Variants in RNF20 observed in about 807,000 individuals in gnomAD.
RNF20 encodes the protein ring finger protein 20.
RNF20 carries 84 observed loss-of-function variants against 126.2 expected under a neutral mutation model. The observed-to-expected ratio is 0.67, with a 90% CI of 0.56 to 0.80. The LOEUF (loss-of-function observed/expected upper bound fraction) is 0.80, where lower values mean the gene tolerates loss of function less well. RNF20 is among the 30% of genes least tolerant of loss of function. The pLI is 0.00. For missense variants in RNF20, 869 were observed against 1,188.2 expected (o/e 0.73, Z 3.95); for synonymous variants, 400 against 414.3 (o/e 0.97, Z 0.42).
At chr9:101,537,674 A>G (rs1295295442) in intron 2 of RNF20, among the ~76,000 whole-genome samples, 2 of 152,224 alleles carry the variant, frequency 1.3e-5, no homozygotes, top group Non-Finnish European at 2.9e-5. Context: ...AGAGGGACCA[A>G]TGAGGTAAGA....
chr9:101,546,075 G>T (rs1036094010), intron 6 of RNF20, among the ~76,000 whole-genome samples: 1 of 152,164 alleles, frequency 6.6e-6, no homozygotes, highest in Non-Finnish European at 1.5e-5. Flanking sequence ...TCAAAATTGT[G>T]TAGTGACATT....
chr9:101,561,358 G>A, intron 18 of RNF20, 128 bp downstream of exon 18: 1 of 996,060 alleles, frequency 1.0e-6, no homozygotes, highest in Non-Finnish European at 1.5e-6. Context: ...TTTGTTGAGG[G>A]AAGAGAGTAA....
Position 101,557,391 on chromosome 9 carries a change from A to C in RNF20, c.2177A>C (p.Glu726Ala). 1 of 1,612,226 alleles carries C rather than the reference A, an allele frequency of 6.2e-7. No individual in the cohort carries two copies. Among genetic ancestry groups the C allele is most frequent in the Non-Finnish European group, 8.5e-7 (1 of 1,178,360 alleles). Residue 726 changes from glutamate to alanine, a missense_variant, in exon 16 of 20, where the codon GAA becomes GCA. By Grantham distance (107) the Glu-to-Ala change is moderately radical. Transcript: ENST00000389120. The stretch of plus-strand genomic sequence containing the variant: ...TCTTCCTTCATCCTTTAGGAAGAAG[A>C]AGCACTCCTCTCTGAAATGGATGTC... ...KKLAMAKQEE[E>A]ALLSEMDVTG...
chr9:101,555,522 C>G (rs1467760477), intron 15 of RNF20, among the ~76,000 whole-genome samples: 2 of 151,976 alleles, frequency 1.3e-5, no homozygotes, highest in Non-Finnish European at 2.9e-5. Flanking sequence ...TATGTATTCT[C>G]TGTTAGTACA....
chr9:101,536,962 G>A (rs1227385648), intron 2 of RNF20, among the ~76,000 whole-genome samples: 1 of 152,194 alleles, frequency 6.6e-6, no homozygotes, highest in East Asian at 1.9e-4. Context: ...CAAAGGTGGG[G>A]ATCTGAGGCA....
intron 17 of RNF20, 79 bp from the exon 18 acceptor site, chr9:101,561,011 T>G: frequency 6.3e-7 from 1 of 1,598,922 alleles, no homozygotes. Flanking sequence ...GCTTTATTCC[T>G]TCAACTTGGG....
chr9:101,561,366 T>A, intron 18 of RNF20, 136 bp downstream of exon 18: 1 of 902,002 alleles, frequency 1.1e-6, no homozygotes, highest in Non-Finnish European at 1.7e-6. Flanking sequence ...GGGAAGAGAG[T>A]AAGTCTGTTT....
rs1167684912 is a variant in RNF20, at chr9:101,560,938, T to TAAAAAAAGAAAAA, written c.2508+14_2508+15insAAAAAGAAAAAAA. On this transcript the variant is annotated intron_variant, in intron 17 of 19. Transcript: ENST00000389120. ...TGAATAAACGCAAGGTATGATTGAT[T>TAAAAAAAGAAAAA]AATCTAATGATGGTTAGTCTCAGTG... 6.2e-7 allele frequency: 1 copy of TAAAAAAAGAAAAA among 1,608,196 alleles called. No individual in the cohort carries two copies. Among genetic ancestry groups the TAAAAAAAGAAAAA allele is most frequent in the Non-Finnish European group, 8.5e-7 (1 of 1,178,080 alleles).
At position 101,562,514 on chromosome 9, in the gene RNF20, T is replaced by C; in HGVS notation, c.*92T>C. 3 of 1,221,286 alleles carry C rather than the reference T, an allele frequency of 2.5e-6. No individual in the cohort carries two copies. The highest frequency in any genetic ancestry group is 3.4e-6 in the Non-Finnish European group (3 of 885,694). 75.7% of individuals were successfully genotyped at this position (1,221,286 alleles called of 1,614,324 possible). On this transcript the variant is annotated 3_prime_UTR_variant, in exon 20 of 20. Coordinates refer to ENST00000389120, the MANE Select transcript of RNF20 (RefSeq NM_019592.7). ...CTCTTCTCTCCTTGACTGTCACCTG[T>C]AGGACAGTTTATCAGTCAACTACCT...
In RNF20 at chr9:101,535,470, C is replaced by T; in HGVS notation, c.47C>T (p.Ser16Phe). The change falls in exon 2 of 20, where the codon TCC (serine) becomes TTC (phenylalanine). Residue 16 changes from serine to phenylalanine, a missense_variant. Ser to Phe is a radical substitution (Grantham distance 155, BLOSUM62 -2). Around this residue, in one of 8 missense-constraint regions of RNF20, gnomAD observed 157 missense variants for 236.0 expected, o/e 0.67. Coordinates refer to ENST00000389120, the MANE Select transcript of RNF20 (RefSeq NM_019592.7). ...NKRAAGEPGTSMPPEKKAAVE... is the reference protein window; with the variant it reads ...NKRAAGEPGTFMPPEKKAAVE... ...AGAGCAGCTGGAGAACCTGGCACCT[C>T]CATGCCTCCTGAGAAGAAGGCAGCT... is the stretch of plus-strand genomic sequence containing the variant. 6.2e-7 allele frequency: 1 copy of T among 1,613,986 alleles called. No homozygotes were observed. Among genetic ancestry groups the T allele is most frequent in the Non-Finnish European group, 8.5e-7 (1 of 1,179,896 alleles).
Position 101,552,179 on chromosome 9 carries a change from C to G in RNF20, c.1447C>G (p.Leu483Val). 6.2e-7 allele frequency: 1 copy of G among 1,614,104 alleles called. No individual in the cohort carries two copies. The highest frequency in any genetic ancestry group is 8.5e-7 in the Non-Finnish European group (1 of 1,180,014). The change falls in exon 12 of 20, where the codon CTC becomes GTC. Residue 483 changes from leucine to valine, a missense_variant. Leu to Val is a conservative substitution (Grantham distance 32). This residue lies in a region of RNF20 where 231 missense variants were observed against 263.6 expected (regional missense o/e 0.88). Coordinates refer to ENST00000389120, the MANE Select transcript of RNF20 (RefSeq NM_019592.7). ...NREMRHLISSLQNHNHQLKGE... is the reference protein window; with the variant it reads ...NREMRHLISSVQNHNHQLKGE... ...GGAGATGCGCCACCTCATCAGTAGC[C>G]TCCAGAATCACAATCACCAGCTGAA...
At chr9:101,547,287 C>A in intron 8 of RNF20, 73 bp downstream of exon 8, 1 of 1,597,504 alleles carries the variant, frequency 6.3e-7, no homozygotes, top group Non-Finnish European at 8.6e-7. Context: ...GGACTGTGTT[C>A]ACAAGTGACA....
intron 5 of RNF20, among the ~76,000 whole-genome samples, 193 bp from the exon 6 acceptor site, chr9:101,544,574 C>T (rs1315112383): frequency 1.3e-5 from 2 of 152,088 alleles, no homozygotes; most frequent in Non-Finnish European, 2.9e-5. Flanking sequence ...GGTGTGGTGG[C>T]ATGTGCCTGT....
chr9:101,539,813 G>A (rs1426435608), intron 2 of RNF20, among the ~76,000 whole-genome samples: 1 of 152,120 alleles, frequency 6.6e-6, no homozygotes, highest in African/African-American at 2.4e-5. Flanking sequence ...TATATTGGCA[G>A]GAACTGGGAT....
At chr9:101,549,019 T>G (rs1260024024) in intron 9 of RNF20, among the ~76,000 whole-genome samples, 1 of 152,186 alleles carries the variant, frequency 6.6e-6, no homozygotes, top group Non-Finnish European at 1.5e-5. Flanking sequence ...AATTTTCTTC[T>G]TAGGTTGTTA....
In RNF20 at chr9:101,561,948, A is replaced by G. The variant is rs1327244606; in HGVS notation, c.2688A>G (p.Thr896=). 1 of 1,613,734 alleles carries G rather than the reference A, an allele frequency of 6.2e-7. No homozygotes were observed. The highest frequency in any genetic ancestry group is 1.3e-5 in the African/African-American group (1 of 74,914). Residue 896 remains threonine (T), a synonymous_variant, in exon 19 of 20, where the codon ACA becomes ACG. Transcript: ENST00000389120. ...ISRLRRKLET[T]KKPDNVPKCD... Reference sequence around the variant, plus strand: ...GACTTCGCAGGAAGCTGGAGACCACAAAGAAACCAGACAATGTACCCAAGT... The same window carrying G: ...GACTTCGCAGGAAGCTGGAGACCACGAAGAAACCAGACAATGTACCCAAGT...
rs961375517 is a variant in RNF20, at chr9:101,533,901, C to G, written c.-40C>G. 6.6e-6 allele frequency: 1 copy of G among 152,390 alleles called. No homozygotes were observed. The highest frequency in any genetic ancestry group is 1.5e-5 in the Non-Finnish European group (1 of 68,184). The allele number at this position is 152,390 out of a possible 1,614,324, so 9.4% of individuals were successfully genotyped here. ...GGGTCAGGGGTGAGAGCTGGAATCT[C>G]TGCACGGGCCTTGGTGAGTAACTGC... On this transcript the variant is annotated 5_prime_UTR_variant, in exon 1 of 20. Transcript: ENST00000389120.
chr9:101,544,814 G>T lies in RNF20; in HGVS notation c.676G>T (p.Ala226Ser). 1 of 1,613,500 alleles carries T rather than the reference G, an allele frequency of 6.2e-7. No homozygotes were observed. Among genetic ancestry groups the T allele is most frequent in the South Asian group, 1.1e-5 (1 of 91,072 alleles). ...AGTGCAGGAGCTGAACTCTTTCCTC[G>T]CACAGGAGAATATGAGGCTACAGGA... ...EAVQELNSFL[A>S]QENMRLQELT... Residue 226 changes from alanine (A) to serine (S), a missense_variant, in exon 6 of 20, where the codon GCA becomes TCA. Physicochemically the swap from Ala to Ser is moderately conservative, Grantham distance 99 (BLOSUM62 1). This residue lies in a region of RNF20 where 103 missense variants were observed against 94.3 expected (regional missense o/e 1.09). Coordinates refer to ENST00000389120, the MANE Select transcript of RNF20 (RefSeq NM_019592.7).
chr9:101,548,390 T>C (rs1336500729), intron 9 of RNF20, among the ~76,000 whole-genome samples: 4 of 152,208 alleles, frequency 2.6e-5, no homozygotes, highest in Non-Finnish European at 5.9e-5. Flanking sequence ...GAATAAGTTC[T>C]GGTGATGTGT....
Sources: allele counts gnomAD v4.1 joint callset (sites outside exome capture counted in the v4.1 genomes callset), GRCh38; gene constraint gnomAD v4.1.1; regional missense constraint gnomAD v4.1.1; transcripts MANE v1.5; gene names NCBI Gene and HGNC (gene_info 2026-07-23, HGNC 2026-07-21).